The following HABP2 variants were observed in gnomAD, a reference collection of about 807,000 sequenced individuals.
HABP2 encodes the protein hyaluronan binding protein 2.
Under a neutral mutation model 66.5 loss-of-function variants are expected in HABP2, and 65 were observed. The ratio of observed to expected loss-of-function variants is 0.98; its 90% CI spans 0.80 to 1.20. The LOEUF (loss-of-function observed/expected upper bound fraction) is 1.20, where lower values mean the gene tolerates loss of function less well. Ranked by LOEUF, HABP2 falls within the 50% of genes most tolerant of loss-of-function variation. HABP2 has a pLI of 0.00. For missense variants in HABP2, 786 were observed against 691.0 expected, an observed-to-expected ratio of 1.14 and a Z score of -1.54; for synonymous variants, 263 against 253.9, an observed-to-expected ratio of 1.04 and a Z score of -0.34.
At position 113,588,804 on chromosome 10, in the gene HABP2, G is replaced by A. The variant is rs1845737634; in HGVS notation, c.*435G>A. ...GCCATCCACGTCTAGGTATCAGAGA[G>A]GACCACAAATACAACATTCTCCATC... On this transcript the variant is annotated 3_prime_UTR_variant, in exon 13 of 13. Transcript: ENST00000351270. 1 of 619,740 alleles carries A rather than the reference G, an allele frequency of 1.6e-6. No individual in the cohort carries two copies. The highest frequency in any genetic ancestry group is 2.9e-6 in the Non-Finnish European group (1 of 348,198). 38.4% of individuals were successfully genotyped at this position (619,740 alleles called of 1,614,324 possible).
At chr10:113,560,063 G>C (rs1176055091) in intron 1 of HABP2, among the ~76,000 whole-genome samples, 1 of 152,176 alleles carries the variant, frequency 6.6e-6, no homozygotes, top group East Asian at 1.9e-4. Context: ...TCATCACTGT[G>C]GTCTGGTGAA....
At chr10:113,586,016 G>T in intron 12 of HABP2, 78 bp downstream of exon 12, 1 of 1,333,396 alleles carries the variant, frequency 7.5e-7, no homozygotes. Flanking sequence ...TTAGAGCCCT[G>T]GGCTGGGAGC....
chr10:113,587,091 G>T (rs1845653140), intron 12 of HABP2, among the ~76,000 whole-genome samples: 1 of 152,224 alleles, frequency 6.6e-6, no homozygotes, highest in African/African-American at 2.4e-5. Flanking sequence ...GAGGCGGGCA[G>T]ATCACCTGAG....
rs190155106 is a variant in HABP2 at position 113,562,420 on chromosome 10, G to A, written c.70-5069G>A. ...GTAGGCCCTCTCTGTGGCCTGCCAG[G>A]CCTAGGCCAGATTGGATAAGCTTTT... On this transcript the variant is annotated intron_variant, in intron 1 of 12. Coordinates refer to ENST00000351270, the MANE Select transcript of HABP2 (RefSeq NM_004132.5). 2.4e-4 allele frequency among the ~76,000 whole-genome samples: 36 copies of A among 151,154 alleles called. No homozygotes were observed. The East Asian group carries it at 6.1e-3, about 25-fold the overall frequency.
At position 113,588,760 on chromosome 10, in the gene HABP2, G is replaced by C; in HGVS notation, c.*391G>C. On this transcript the variant is annotated 3_prime_UTR_variant, in exon 13 of 13. Transcript: ENST00000351270. ...TCTTTATTCCTCAGCCCAGACACTC[G>C]AGGCACTCAACAGAATCAGCCATCC... 2 of 570,856 alleles carry C rather than the reference G, an allele frequency of 3.5e-6. No individual in the cohort carries two copies. Among genetic ancestry groups the C allele is most frequent in the Non-Finnish European group, 6.2e-6 (2 of 322,992 alleles). 35.4% of individuals were successfully genotyped at this position (570,856 alleles called of 1,614,324 possible).
In HABP2 at chr10:113,582,087, G is replaced by T. The variant is rs2245058; in HGVS notation, c.1050G>T (p.Ala350=). The T allele has an allele frequency of 2.7e-5, 43 of 1,610,754 alleles. No individual in the cohort carries two copies. The highest frequency in any genetic ancestry group is 3.3e-5 in the Non-Finnish European group (39 of 1,179,604). ...CCCAGGGCCACTTCTGTGGTGGGGC[G>T]CTGATCCACCCCTGCTGGGTGCTCA... ...SMPQGHFCGG[A]LIHPCWVLTA... The change falls in exon 9 of 13, where the codon GCG becomes GCT. Residue 350 remains alanine, a synonymous_variant. Transcript: ENST00000351270.
chr10:113,556,407 C>T (rs748900895), intron 1 of HABP2, among the ~76,000 whole-genome samples: 7 of 152,086 alleles, frequency 4.6e-5, no homozygotes, highest in African/African-American at 7.2e-5. Flanking sequence ...GGGTAGCCAC[C>T]GCTGCTGTTA....
At position 113,567,640 on chromosome 10, in the gene HABP2, A is replaced by G. The variant is rs2419837; in HGVS notation, c.106+115A>G. On this transcript the variant is annotated intron_variant, in intron 2 of 12. Coordinates refer to ENST00000351270, the MANE Select transcript of HABP2 (RefSeq NM_004132.5). ...GGGACCTCAGGGTTCAACTGGTTCC[A>G]GGTTGTCACAGGCACCTTTGAGAAC... 0.21 allele frequency: 162,351 copies of G among 758,168 alleles called. 18,399 individuals are homozygous for G. Among genetic ancestry groups the G allele is most frequent in the South Asian group, 0.32 (21,783 of 68,364 alleles). The allele number at this position is 758,168 out of a possible 1,614,324, so 47.0% of individuals were successfully genotyped here.
intron 12 of HABP2, 141 bp from the exon 13 acceptor site, chr10:113,588,064 T>C (rs1845689805): frequency 1.2e-5 from 7 of 589,272 alleles, no homozygotes; most frequent in Non-Finnish European, 2.1e-5. Flanking sequence ...GGGAGAGCCT[T>C]GTCACTGCTT....
In HABP2 at chr10:113,588,409, A is replaced by T; in HGVS notation, c.*40A>T. 1 of 1,537,958 alleles carries T rather than the reference A, an allele frequency of 6.5e-7. No individual in the cohort carries two copies. Among genetic ancestry groups the T allele is most frequent in the Non-Finnish European group, 8.9e-7 (1 of 1,129,388 alleles). ...GACCTCAGAGCCCACTCTCCTTGGC[A>T]CCCTGACACCGGGAGGCCTCATGGC... is the stretch of plus-strand genomic sequence containing the variant. On this transcript the variant is annotated 3_prime_UTR_variant, in exon 13 of 13. Coordinates refer to ENST00000351270, the MANE Select transcript of HABP2 (RefSeq NM_004132.5).
intron 1 of HABP2, among the ~76,000 whole-genome samples, chr10:113,558,128 G>A (rs1415557284): frequency 2.0e-5 from 3 of 152,174 alleles, no homozygotes; most frequent in Non-Finnish European, 2.9e-5. Flanking sequence ...AGACAAAGTC[G>A]CTCCCATCTG....
At chr10:113,565,404 G>C (rs1040017147) in intron 1 of HABP2, among the ~76,000 whole-genome samples, 2 of 152,164 alleles carry the variant, frequency 1.3e-5, no homozygotes, top group Non-Finnish European at 2.9e-5. Context: ...CTTTTGGCAA[G>C]GGCCTCAAGC....
chr10:113,584,906 C>T (rs1249292623), intron 11 of HABP2, among the ~76,000 whole-genome samples: 2 of 152,324 alleles, frequency 1.3e-5, no homozygotes, highest in East Asian at 3.9e-4. Context: ...CAAAGGATTA[C>T]TTTCCTCATA....
chr10:113,578,200 T>C, intron 6 of HABP2, 55 bp downstream of exon 6: 19 of 1,583,870 alleles, frequency 1.2e-5, no homozygotes, highest in Non-Finnish European at 1.6e-5. Flanking sequence ...AACCCTTTCC[T>C]CTCTGGGTTT....
Position 113,567,563 on chromosome 10 carries a change from C to G in HABP2, c.106+38C>G, listed in dbSNP as rs2133756814. 3 of 1,525,144 alleles carry G rather than the reference C, an allele frequency of 2.0e-6. No homozygotes were observed. In the East Asian group the frequency reaches 6.7e-5, roughly 34 times the overall value. 94.5% of individuals were successfully genotyped at this position (1,525,144 alleles called of 1,614,324 possible). ...ATCTCCCTGGGGCTTCCCACCAATC[C>G]CAGGCTGGTTCTGGGCTGGTGAAAA... On this transcript the variant is annotated intron_variant, in intron 2 of 12. Coordinates refer to ENST00000351270, the MANE Select transcript of HABP2 (RefSeq NM_004132.5).
rs1845721864 is a variant in HABP2 at position 113,588,595 on chromosome 10, T to TCAA, written c.*229_*231dup. 3 of 542,550 alleles carry TCAA rather than the reference T, an allele frequency of 5.5e-6. No homozygotes were observed. Among genetic ancestry groups the TCAA allele is most frequent in the Admixed American group, 3.4e-5 (1 of 29,832 alleles). The allele number at this position is 542,550 out of a possible 1,614,324, so 33.6% of individuals were successfully genotyped here. On this transcript the variant is annotated 3_prime_UTR_variant, in exon 13 of 13. Coordinates refer to ENST00000351270, the MANE Select transcript of HABP2 (RefSeq NM_004132.5). ...CTTGGTAACCCAAGGAATGATGGAA[T>TCAA]CAACACAACATAGTATGTTTGCTTT...
At position 113,588,399 on chromosome 10, in the gene HABP2, T is replaced by C. The variant is rs770723994; in HGVS notation, c.*30T>C. On this transcript the variant is annotated 3_prime_UTR_variant, in exon 13 of 13. Transcript: ENST00000351270. ...CTGTCTTCTGGACCTCAGAGCCCAC[T>C]CTCCTTGGCACCCTGACACCGGGAG... 6.3e-7 allele frequency: 1 copy of C among 1,575,154 alleles called. No homozygotes were observed. Among genetic ancestry groups the C allele is most frequent in the Non-Finnish European group, 8.7e-7 (1 of 1,155,950 alleles).
chr10:113,567,823 C>T (rs1845228095), intron 2 of HABP2, among the ~76,000 whole-genome samples: 1 of 152,218 alleles, frequency 6.6e-6, no homozygotes, highest in African/African-American at 2.4e-5. Flanking sequence ...AAGCAATTTA[C>T]TCCTGGCCAC....
chr10:113,568,293 AT>A (rs1845237858), intron 2 of HABP2, among the ~76,000 whole-genome samples: 1 of 152,226 alleles, frequency 6.6e-6, no homozygotes, highest in Non-Finnish European at 1.5e-5. Context: ...ACTGGTAGAG[AT>A]CTATGCTGGT....
Sources: gnomAD v4.1 joint callset for allele counts (sites outside exome capture counted in the v4.1 genomes callset) on GRCh38, gnomAD v4.1.1 for gene constraint, MANE v1.5 for transcripts, NCBI Gene and HGNC (gene_info 2026-07-23, HGNC 2026-07-21) for gene names.